ZNF423: variants seen among roughly 807,000 people sequenced by gnomAD.
The protein encoded by ZNF423 is zinc finger protein 423, also known as Ebf-associated zinc finger protein.
Under a neutral mutation model 95.8 loss-of-function variants are expected in ZNF423, and 12 were observed. The observed-to-expected ratio is 0.13, with a 90% CI of 0.08 to 0.20. The LOEUF (loss-of-function observed/expected upper bound fraction) is 0.20, where lower values mean the gene tolerates loss of function less well. Ranked by LOEUF, ZNF423 falls within the 10% of genes least tolerant of loss-of-function variation. The pLI is 1.00. For missense variants in ZNF423, 1,316 were observed against 1,737.1 expected (o/e 0.76, Z 4.31); for synonymous variants, 749 against 711.9 (o/e 1.05, Z -0.83).
At chr16:49,516,321 A>T (rs1968142942) in intron 7 of ZNF423, among the ~76,000 whole-genome samples, 1 of 152,226 alleles carries the variant, frequency 6.6e-6, no homozygotes, top group South Asian at 2.1e-4. Flanking sequence ...AAACCATGAA[A>T]GCAAAGCAAA....
At chr16:49,655,749 A>C (rs2029869429) in intron 3 of ZNF423, among the ~76,000 whole-genome samples, 1 of 152,168 alleles carries the variant, frequency 6.6e-6, no homozygotes, top group South Asian at 2.1e-4. Context: ...CAACATGCTG[A>C]ACAGGTGTCT....
chr16:49,732,611 A>T (rs1346888314), intron 2 of ZNF423, among the ~76,000 whole-genome samples: 2 of 152,262 alleles, frequency 1.3e-5, no homozygotes, highest in Non-Finnish European at 2.9e-5. Flanking sequence ...GTTACAGGAA[A>T]AGGCTCAGTG....
chr16:49,827,103 A>T (rs1041763672), intron 1 of ZNF423: 1 of 152,212 alleles, frequency 6.6e-6, no homozygotes, highest in Admixed American at 6.5e-5. Flanking sequence ...AAAAGATATT[A>T]AAAAATATAA....
chr16:49,724,827 C>T (rs568037204), intron 3 of ZNF423, among the ~76,000 whole-genome samples: 1 of 152,318 alleles, frequency 6.6e-6, no homozygotes, highest in South Asian at 2.1e-4. Context: ...TGGTCCCAGT[C>T]CTCAAGAAGG....
At chr16:49,520,381 T>C (rs1006786939) in intron 7 of ZNF423, among the ~76,000 whole-genome samples, 7 of 151,734 alleles carry the variant, frequency 4.6e-5, no homozygotes, top group Admixed American at 1.3e-4. Context: ...TCCCTTATAC[T>C]GGCAACTGTG....
At chr16:49,721,766 T>C (rs1042039049) in intron 3 of ZNF423, among the ~76,000 whole-genome samples, 1 of 152,030 alleles carries the variant, frequency 6.6e-6, no homozygotes, top group Non-Finnish European at 1.5e-5. Context: ...AGCAAAAACC[T>C]CCTCCACTTT....
At position 49,490,476 on chromosome 16, in the gene ZNF423, G is replaced by C. The variant is rs1966913859; in HGVS notation, c.*799C>G. The C allele has an allele frequency of 6.6e-6, 1 of 152,362 alleles. No homozygotes were observed. The highest frequency in any genetic ancestry group is 1.5e-5 in the Non-Finnish European group (1 of 68,124). The allele number at this position is 152,362 out of a possible 1,614,324, so 9.4% of individuals were successfully genotyped here. On this transcript the variant is annotated 3_prime_UTR_variant, in exon 8 of 8. Transcript: ENST00000563137. ...TACGATTCTTTTCCAAGGGGAGCAG[G>C]GTCTATTGTGTGCAGGTCCCCAAGG...
intron 1 of ZNF423, among the ~76,000 whole-genome samples, chr16:49,844,960 A>C (rs1597059000): frequency 7.3e-6 from 1 of 137,738 alleles, no homozygotes; most frequent in East Asian, 2.4e-4. Flanking sequence ...ATTTGAACCC[A>C]GGAGGCAGAG....
At chr16:49,699,267 G>A (rs1168087774) in intron 3 of ZNF423, among the ~76,000 whole-genome samples, 1 of 152,208 alleles carries the variant, frequency 6.6e-6, no homozygotes, top group Non-Finnish European at 1.5e-5. Flanking sequence ...GCCGCACAAA[G>A]CTGAGCTGTA....
In ZNF423 at chr16:49,635,760, C is replaced by T. The variant is rs1972667949; in HGVS notation, c.3416G>A (p.Ser1139Asn). The T allele has an allele frequency of 1.9e-6, 3 of 1,612,874 alleles. No homozygotes were observed. The highest frequency in any genetic ancestry group is 2.5e-6 in the Non-Finnish European group (3 of 1,179,888). The change falls in exon 4 of 8, where the codon AGT becomes AAT. Residue 1139 changes from serine to asparagine, a missense_variant. Coordinates refer to ENST00000563137, the MANE Select transcript of ZNF423 (RefSeq NM_001379286.1). The surrounding 1 kb of genome is among the most constrained non-coding windows in gnomAD (Gnocchi z 4.8). ...CATGTGGCTCTCCAGGTCTTCGGCA[C>T]TCTCAAACTTGACACTGCACTCGGG... ...RCPECSVKFE[S>N]AEDLESHMQV...
chr16:49,754,153 G>C (rs940429774), intron 2 of ZNF423, among the ~76,000 whole-genome samples: 4 of 152,138 alleles, frequency 2.6e-5, no homozygotes, highest in African/African-American at 9.7e-5. Flanking sequence ...TTTGGCTTTA[G>C]TAACTCCTCC....
intron 5 of ZNF423, among the ~76,000 whole-genome samples, chr16:49,577,958 C>T (rs1970551092): frequency 6.6e-6 from 1 of 152,240 alleles, no homozygotes; most frequent in Non-Finnish European, 1.5e-5. Flanking sequence ...GACCTAGACA[C>T]ATGGCAGGCA....
intron 1 of ZNF423, among the ~76,000 whole-genome samples, chr16:49,845,207 C>T (rs1020107168): frequency 6.7e-6 from 1 of 150,226 alleles, no homozygotes; most frequent in Non-Finnish European, 1.5e-5. Context: ...TGGGTTCCAG[C>T]GATTCTCCTG....
At position 49,712,896 on chromosome 16, in the gene ZNF423, A is replaced by C. The variant is rs529414483; in HGVS notation, c.301+17875T>G. On this transcript the variant is annotated intron_variant, in intron 3 of 7. Transcript: ENST00000563137. ...CCTATGAAGCCACAAACAGAATGAC[A>C]CCGTCGTGCAGGTGACAGCCACAGA... Among the ~76,000 whole-genome samples, 8 of 152,330 alleles carry C rather than the reference A, an allele frequency of 5.3e-5. No homozygotes were observed. In the East Asian group the frequency reaches 1.5e-3, roughly 29 times the overall value.
chr16:49,620,322 G>T (rs1972026656), intron 5 of ZNF423, among the ~76,000 whole-genome samples: 1 of 152,118 alleles, frequency 6.6e-6, no homozygotes, highest in Non-Finnish European at 1.5e-5. Context: ...GAGGGCTGGG[G>T]ACAAGAGGAC....
chr16:49,686,472 G>T (rs1372061381), intron 3 of ZNF423, among the ~76,000 whole-genome samples: 1 of 152,088 alleles, frequency 6.6e-6, no homozygotes, highest in Non-Finnish European at 1.5e-5. Context: ...CTGGCCCTGT[G>T]GAGCTCACTG....
intron 3 of ZNF423, among the ~76,000 whole-genome samples, chr16:49,720,534 G>A (rs1202447312): frequency 6.6e-6 from 1 of 152,208 alleles, no homozygotes. Flanking sequence ...TCCAGTCAGT[G>A]CCCTGGCTGT....
At chr16:49,502,523 G>A (rs1394145332) in intron 7 of ZNF423, among the ~76,000 whole-genome samples, 3 of 149,642 alleles carry the variant, frequency 2.0e-5, no homozygotes, top group Non-Finnish European at 4.5e-5. Flanking sequence ...GGGGTTGTCC[G>A]TGGGCTATCT....
At chr16:49,596,283 A>G (rs1410566581) in intron 5 of ZNF423, among the ~76,000 whole-genome samples, 2 of 152,216 alleles carry the variant, frequency 1.3e-5, no homozygotes, top group Admixed American at 1.3e-4. Context: ...TTGAAAACAG[A>G]CTAACAAATA....
Sources: gnomAD v4.1 joint callset for allele counts (sites outside exome capture counted in the v4.1 genomes callset) on GRCh38, gnomAD v4.1.1 for gene constraint, Gnocchi (gnomAD v3.1) non-coding constraint, MANE v1.5 for transcripts, NCBI Gene and HGNC (gene_info 2026-07-23, HGNC 2026-07-21) for gene names.